Variants in PCNT observed in about 807,000 individuals in gnomAD.
The protein encoded by PCNT is kendrin.
PCNT carries 319 observed loss-of-function variants against 380.4 expected under a neutral mutation model. The observed-to-expected ratio is 0.84, with a 90% CI of 0.77 to 0.92. PCNT has a LOEUF of 0.92. Among genes scored for constraint, PCNT ranks in the 40% least tolerant of loss-of-function variants. The pLI is 0.00. For synonymous variants in PCNT, 1,845 were observed against 1,735.2 expected (o/e 1.06, Z -1.57); for missense variants, 4,400 against 4,255.3 (o/e 1.03, Z -0.95).
intron 26 of PCNT, among the ~76,000 whole-genome samples, chr21:46,402,060 G>A (rs1391545741): frequency 1.3e-5 from 2 of 152,054 alleles, no homozygotes; most frequent in Non-Finnish European, 2.9e-5. Flanking sequence ...CACCATGTTG[G>A]CCAGGCTGGT....
At chr21:46,362,347 A>C (rs1328161289) in intron 13 of PCNT, among the ~76,000 whole-genome samples, 2 of 152,200 alleles carry the variant, frequency 1.3e-5, no homozygotes, top group Non-Finnish European at 2.9e-5. Flanking sequence ...AAAGCTGGAA[A>C]AAGAGAATGG....
In PCNT at chr21:46,398,236, A is replaced by AG; in HGVS notation, c.4567dup (p.Ala1523GlyfsTer8). On this transcript the variant is annotated frameshift_variant and splice_region_variant, in exon 24 of 47. Coordinates refer to ENST00000359568, the MANE Select transcript of PCNT (RefSeq NM_006031.6). LOFTEE classifies it high-confidence loss of function. ...CTTCCATGTACATGAAATCGGCAGC[A>AG]GGCGCCGCTGGATGGAGAGGTGAGG... 1 of 1,607,852 alleles carries AG rather than the reference A, an allele frequency of 6.2e-7. No homozygotes were observed. Among genetic ancestry groups the AG allele is most frequent in the South Asian group, 1.1e-5 (1 of 90,188 alleles).
At chr21:46,333,672 G>A (rs2083629824) in intron 2 of PCNT, among the ~76,000 whole-genome samples, 1 of 151,736 alleles carries the variant, frequency 6.6e-6, no homozygotes, top group South Asian at 2.1e-4. Flanking sequence ...AGGCCGAGGC[G>A]GGTGGATCAC....
chr21:46,341,507 TC>T (rs1405353386), intron 3 of PCNT, among the ~76,000 whole-genome samples: 1 of 152,066 alleles, frequency 6.6e-6, no homozygotes, highest in African/African-American at 2.4e-5. Flanking sequence ...TTTTATTTTT[TC>T]TCACGTCTAG....
At chr21:46,359,896 G>A (rs1426662945) in intron 13 of PCNT, among the ~76,000 whole-genome samples, 1 of 143,166 alleles carries the variant, frequency 7.0e-6, no homozygotes, top group South Asian at 2.2e-4. Flanking sequence ...ACAGGCTATT[G>A]CCCAGGCTGG....
intron 9 of PCNT, among the ~76,000 whole-genome samples, 193 bp from the exon 10 acceptor site, chr21:46,352,911 G>A (rs971985955): frequency 1.2e-4 from 19 of 152,166 alleles, no homozygotes; most frequent in African/African-American, 4.1e-4. Context: ...TCTTGCCACC[G>A]CTTGGAGAGA....
chr21:46,327,221 C>T (rs765498424), intron 2 of PCNT, among the ~76,000 whole-genome samples: 13 of 151,774 alleles, frequency 8.6e-5, no homozygotes, highest in Admixed American at 5.2e-4. Context: ...CCACCACGCC[C>T]GGCTAGTTTT....
chr21:46,436,011 C>G lies in PCNT; in HGVS notation c.8859C>G (p.His2953Gln), dbSNP rs1052094307. 1.2e-5 allele frequency: 20 copies of G among 1,614,136 alleles called. No homozygotes were observed. Among genetic ancestry groups the G allele is most frequent in the Admixed American group, 6.7e-5 (4 of 60,036 alleles). ...ACGAGGTGCCTGGCAGCCGCCTCCA[C>G]CTAGGTTCTGCCCGCAGGGCTGCCG... ...SKDEVPGSRL[H>Q]LGSARRAAGS... The change falls in exon 39 of 47, where the codon CAC (histidine) becomes CAG (glutamine). Residue 2953 changes from histidine (H) to glutamine (Q), a missense_variant. Transcript: ENST00000359568.
At chr21:46,426,685 C>T (rs941588051) in intron 33 of PCNT, among the ~76,000 whole-genome samples, 6 of 152,210 alleles carry the variant, frequency 3.9e-5, no homozygotes, top group Non-Finnish European at 8.8e-5. Flanking sequence ...GACCTCAGGG[C>T]CTCACCTCTG....
At chr21:46,329,360 G>A (rs753639736) in intron 2 of PCNT, among the ~76,000 whole-genome samples, 4 of 152,186 alleles carry the variant, frequency 2.6e-5, no homozygotes, top group African/African-American at 4.8e-5. Context: ...AAAACCAGAA[G>A]GGCATATACC....
intron 28 of PCNT, 83 bp downstream of exon 28, chr21:46,412,150 T>C (rs2086810130): frequency 1.4e-6 from 2 of 1,454,178 alleles, no homozygotes. Context: ...CTCTCTGCGC[T>C]GGGCACTGGG....
intron 9 of PCNT, among the ~76,000 whole-genome samples, chr21:46,352,524 C>T (rs557537756): frequency 6.6e-6 from 1 of 152,230 alleles, no homozygotes; most frequent in African/African-American, 2.4e-5. Context: ...CTGGGGTGCC[C>T]GTTGCTGGCT....
chr21:46,443,869 G>T lies in PCNT; in HGVS notation c.9760G>T (p.Asp3254Tyr). Residue 3254 changes from aspartate (D) to tyrosine (Y), a missense_variant, in exon 45 of 47, where the codon GAT becomes TAT. Physicochemically the swap from Asp to Tyr is radical, Grantham distance 160. Transcript: ENST00000359568. The part of the protein sequence containing the change: ...PRTRESPPTR[D>Y]VPSGHTRDPA... ...AACCAGAGAGTCCCCCCCAACCCGG[G>T]ATGTACCCTCTGGCCACACCAGGGA... 6.2e-7 allele frequency: 1 copy of T among 1,613,294 alleles called. No individual in the cohort carries two copies. The highest frequency in any genetic ancestry group is 8.5e-7 in the Non-Finnish European group (1 of 1,179,998).
chr21:46,369,942 G>C (rs2085058503), intron 15 of PCNT, among the ~76,000 whole-genome samples: 1 of 152,244 alleles, frequency 6.6e-6, no homozygotes, highest in Admixed American at 6.5e-5. Context: ...GGCAGGCGGA[G>C]CTGGAGGAGC....
intron 3 of PCNT, among the ~76,000 whole-genome samples, chr21:46,339,309 T>A (rs1158705967): frequency 2.0e-5 from 3 of 152,190 alleles, no homozygotes; most frequent in Non-Finnish European, 4.4e-5. Context: ...TGCCCCTCTC[T>A]AGCTTGTGTT....
intron 31 of PCNT, among the ~76,000 whole-genome samples, chr21:46,419,461 C>G (rs2087156693): frequency 2.0e-5 from 3 of 152,262 alleles, no homozygotes. Flanking sequence ...CTCCTAGCCC[C>G]TCGCCACACG....
At chr21:46,349,295 C>T in intron 7 of PCNT, 109 bp downstream of exon 7, 2 of 959,734 alleles carry the variant, frequency 2.1e-6, no homozygotes, top group South Asian at 2.6e-5. Context: ...TTCCTACCTT[C>T]TAAATGCTGG....
Position 46,388,655 on chromosome 21 carries a change from A to G in PCNT, c.3465-87A>G. ...GGCAGCCGTGGGCCGAGGTGTGCAA[A>G]CTGGTGGGCGGCCCCTCAGCAGCAT... On this transcript the variant is annotated intron_variant, in intron 17 of 46. Transcript: ENST00000359568. This position sits in a 1 kb window ranked among gnomAD's most constrained non-coding sequence, Gnocchi z 4.2. The G allele has an allele frequency of 6.4e-7, 1 of 1,554,662 alleles. No homozygotes were observed. The highest frequency in any genetic ancestry group is 8.8e-7 in the Non-Finnish European group (1 of 1,136,740).
In PCNT at chr21:46,416,362, C is replaced by A. The variant is rs765864456; in HGVS notation, c.6444C>A (p.Asp2148Glu). 1 of 1,613,960 alleles carries A rather than the reference C, an allele frequency of 6.2e-7. No homozygotes were observed. Among genetic ancestry groups the A allele is most frequent in the East Asian group, 2.2e-5 (1 of 44,900 alleles). ...ATGTTATCAAAAATCAGGCCATAGACGCGTGTGATGCCAATACAACCCCAG... is the reference window on the plus strand; with the variant it reads ...ATGTTATCAAAAATCAGGCCATAGAAGCGTGTGATGCCAATACAACCCCAG... ...VTDVIKNQAI[D>E]ACDANTTPGG... Residue 2148 changes from aspartate (D) to glutamate (E), a missense_variant, in exon 30 of 47, where the codon GAC becomes GAA. Asp to Glu is a conservative substitution (Grantham distance 45). Coordinates refer to ENST00000359568, the MANE Select transcript of PCNT (RefSeq NM_006031.6).
Sources: gnomAD v4.1 joint callset for allele counts (sites outside exome capture counted in the v4.1 genomes callset) on GRCh38, gnomAD v4.1.1 for gene constraint, Gnocchi (gnomAD v3.1) non-coding constraint, MANE v1.5 for transcripts, NCBI Gene and HGNC (gene_info 2026-07-23, HGNC 2026-07-21) for gene names.